Variants in ACAT2 observed in about 807,000 individuals in gnomAD.
The protein encoded by ACAT2 is acetyl-CoA acetyltransferase 2, also known as acetyl-CoA acetyltransferase, cytosolic.
A neutral mutation model predicts 37.1 loss-of-function variants in ACAT2; 26 were observed. The observed-to-expected ratio is 0.70, with a 90% CI of 0.51 to 0.97. The LOEUF is 0.97. Ranked by LOEUF, ACAT2 falls within the 50% of genes least tolerant of loss-of-function variation. The probability of loss-of-function intolerance (pLI) is 0.00; values close to 1 mark genes in which losing one functional copy is unlikely to be tolerated. For synonymous variants in ACAT2, 156 were observed against 163.6 expected (o/e 0.95, Z 0.35); for missense variants, 468 against 489.0 (o/e 0.96, Z 0.40).
rs1780406158 is a variant in ACAT2 at position 159,775,965 on chromosome 6, T to C, written c.635-185T>C. The C allele has an allele frequency of 1.9e-5, 11 of 591,946 alleles. No individual in the cohort carries two copies. The South Asian group carries it at 2.3e-4, about 12-fold the overall frequency. 36.7% of individuals were successfully genotyped at this position (591,946 alleles called of 1,614,324 possible). The stretch of plus-strand genomic sequence containing the variant: ...CAGGTGTCTCATAAGGACATACTCA[T>C]AAATTGTTTTCATGTACAATAATTC... On this transcript the variant is annotated intron_variant, in intron 5 of 8. Transcript: ENST00000367048.
At position 159,762,491 on chromosome 6, in the gene ACAT2, G is replaced by A. The variant is rs76966223; in HGVS notation, c.55+349G>A. 4,275 of 1,307,988 alleles carry A rather than the reference G, an allele frequency of 3.3e-3. 123 individuals are homozygous for A. In the African/African-American group the frequency reaches 0.056, roughly 17 times the overall value. The allele number at this position is 1,307,988 out of a possible 1,614,324, so 81.0% of individuals were successfully genotyped here. On this transcript the variant is annotated intron_variant, in intron 1 of 8. Transcript: ENST00000367048. ...GGGAGGCGCCATCGGTAATGCCTGC[G>A]GCAGGGGCGGAACTGCTAGGTGGTC...
chr6:159,762,312 T>C (rs113510511), intron 1 of ACAT2, 170 bp downstream of exon 1: 8 of 1,216,108 alleles, frequency 6.6e-6, no homozygotes, highest in Middle Eastern at 2.9e-4. Flanking sequence ...TTCCCTGACC[T>C]GGTGCTACAG....
chr6:159,776,862 C>G (rs1392529664), intron 6 of ACAT2, among the ~76,000 whole-genome samples: 1 of 152,122 alleles, frequency 6.6e-6, no homozygotes, highest in Non-Finnish European at 1.5e-5. Flanking sequence ...AATCTTGGCT[C>G]ACTGCAATCT....
intron 1 of ACAT2, 189 bp downstream of exon 1, chr6:159,762,331 T>C (rs1000216280): frequency 2.5e-6 from 3 of 1,220,942 alleles, no homozygotes; most frequent in Non-Finnish European, 3.3e-6. Context: ...AGCCCCACCC[T>C]CTCCTCTCCC....
At chr6:159,776,499 G>A (rs879746726) in intron 6 of ACAT2, among the ~76,000 whole-genome samples, 7 of 152,130 alleles carry the variant, frequency 4.6e-5, no homozygotes, top group Non-Finnish European at 7.4e-5. Flanking sequence ...GGGGACTACA[G>A]GCATGAGCCA....
At chr6:159,773,952 A>G (rs1220605553) in intron 4 of ACAT2, among the ~76,000 whole-genome samples, 1 of 152,274 alleles carries the variant, frequency 6.6e-6, no homozygotes, top group Non-Finnish European at 1.5e-5. Context: ...ATGGGGAAGA[A>G]GATATTTGGA....
intron 1 of ACAT2, chr6:159,762,472 C>A: frequency 7.5e-7 from 1 of 1,324,896 alleles, no homozygotes; most frequent in Non-Finnish European, 9.7e-7. Context: ...CTCCGGGAGG[C>A]GCCATCGGTA....
At chr6:159,778,625 G>A (rs757105354) in intron 8 of ACAT2, 34 bp from the exon 9 acceptor site, 2 of 1,606,342 alleles carry the variant, frequency 1.2e-6, no homozygotes, top group Non-Finnish European at 1.7e-6. Context: ...GTCCACAGAA[G>A]AATAAACAAT....
intron 5 of ACAT2, 197 bp downstream of exon 5, chr6:159,775,510 A>G: frequency 1.7e-6 from 1 of 579,252 alleles, no homozygotes; most frequent in Non-Finnish European, 2.9e-6. Context: ...CTATGTCAGC[A>G]CTCAAGCACT....
rs957578299 is a variant in ACAT2, at chr6:159,776,277, G to C, written c.757+5G>C. 3.1e-6 allele frequency: 5 copies of C among 1,613,352 alleles called. No individual in the cohort carries two copies. The highest frequency in any genetic ancestry group is 4.2e-6 in the Non-Finnish European group (5 of 1,179,778). ...TCACCCCAGCCAATGCTTCAGGTTA[G>C]ATTTTCTGAAGGACATCTGGGGGAA... On this transcript the variant is annotated splice_donor_5th_base_variant and intron_variant, in intron 6 of 8. Coordinates refer to ENST00000367048, the MANE Select transcript of ACAT2 (RefSeq NM_005891.3).
At position 159,778,985 on chromosome 6, in the gene ACAT2, C is replaced by T; in HGVS notation, c.*156C>T. 1.3e-6 allele frequency: 2 copies of T among 1,572,928 alleles called. No homozygotes were observed. The highest frequency in any genetic ancestry group is 1.7e-6 in the Non-Finnish European group (2 of 1,151,924). On this transcript the variant is annotated 3_prime_UTR_variant, in exon 9 of 9. Coordinates refer to ENST00000367048, the MANE Select transcript of ACAT2 (RefSeq NM_005891.3). ...TTGTACTTTACTTTAATGTGTAATA[C>T]TCAACTCAAGGTACAAGACAATTGC...
chr6:159,777,821 C>T (rs62439366), intron 7 of ACAT2, among the ~76,000 whole-genome samples: 2 of 152,292 alleles, frequency 1.3e-5, no homozygotes, highest in African/African-American at 4.8e-5. Context: ...GTTGAGATTT[C>T]AGGTGTGAGC....
intron 4 of ACAT2, among the ~76,000 whole-genome samples, chr6:159,770,864 A>G (rs1780325563): frequency 6.6e-6 from 1 of 152,120 alleles, no homozygotes; most frequent in Admixed American, 6.6e-5. Flanking sequence ...CAGGAGTTCA[A>G]GACCAGCCTG....
chr6:159,777,238 A>C, intron 6 of ACAT2, 64 bp from the exon 7 acceptor site: 4 of 1,538,670 alleles, frequency 2.6e-6, no homozygotes, highest in Non-Finnish European at 3.5e-6. Context: ...GGTGGTAAAG[A>C]AGCCACAGAT....
chr6:159,763,439 G>A (rs1335149827), intron 2 of ACAT2, among the ~76,000 whole-genome samples: 3 of 152,066 alleles, frequency 2.0e-5, no homozygotes, highest in African/African-American at 4.8e-5. Context: ...AGCTACTGGA[G>A]AGGCTGAGGT....
intron 4 of ACAT2, among the ~76,000 whole-genome samples, chr6:159,771,650 CAA>C (rs769011249): frequency 6.2e-5 from 6 of 96,320 alleles, no homozygotes; most frequent in African/African-American, 7.3e-5. Context: ...GACTCTGTCT[CAA>C]AAAAAAAAAA....
intron 1 of ACAT2, 38 bp downstream of exon 1, chr6:159,762,180 C>T: frequency 1.3e-6 from 2 of 1,594,530 alleles, no homozygotes; most frequent in South Asian, 1.1e-5. Flanking sequence ...GTCCGAGGCG[C>T]CTGCTGCTTC....
At chr6:159,772,079 G>GCC (rs1780346719) in intron 4 of ACAT2, among the ~76,000 whole-genome samples, 1 of 152,138 alleles carries the variant, frequency 6.6e-6, no homozygotes, top group Admixed American at 6.5e-5. Flanking sequence ...CAAAAAATTA[G>GCC]CCAGGTGTTG....
chr6:159,776,761 A>G (rs1780422582), intron 6 of ACAT2, among the ~76,000 whole-genome samples: 1 of 152,106 alleles, frequency 6.6e-6, no homozygotes, highest in African/African-American at 2.4e-5. Flanking sequence ...ATTTCCTGTC[A>G]GAGATCTCCC....
Sources: gnomAD v4.1 joint callset for allele counts (sites outside exome capture counted in the v4.1 genomes callset) on GRCh38, gnomAD v4.1.1 for gene constraint, MANE v1.5 for transcripts, NCBI Gene and HGNC (gene_info 2026-07-23, HGNC 2026-07-21) for gene names.